Variants in CMPK2 observed in about 807,000 individuals in gnomAD.
The protein encoded by CMPK2 is cytidine/uridine monophosphate kinase 2.
Under a neutral mutation model 33.4 loss-of-function variants are expected in CMPK2, and 32 were observed. That is an observed-to-expected ratio of 0.96 (90% confidence interval 0.72 to 1.29). The LOEUF (loss-of-function observed/expected upper bound fraction) is 1.29. CMPK2 is among the 50% of genes most tolerant of loss of function. CMPK2 has a pLI of 0.00. For missense variants in CMPK2, 672 were observed against 616.0 expected (o/e 1.09, Z -0.96); for synonymous variants, 299 against 275.3 (o/e 1.09, Z -0.85).
intron 3 of CMPK2, among the ~76,000 whole-genome samples, chr2:6,853,388 A>G (rs946916399): frequency 4.6e-5 from 7 of 152,080 alleles, no homozygotes; most frequent in Admixed American, 1.3e-4. Flanking sequence ...CCCCCGCCCC[A>G]CCTGTTTTGT....
chr2:6,859,395 T>A (rs1310398746), intron 3 of CMPK2, among the ~76,000 whole-genome samples: 6 of 152,150 alleles, frequency 3.9e-5, no homozygotes, highest in Non-Finnish European at 2.9e-5. Context: ...CTCGAGGGCA[T>A]GTCAGAGACC....
At chr2:6,858,740 C>G (rs929441879) in intron 3 of CMPK2, among the ~76,000 whole-genome samples, 1 of 152,254 alleles carries the variant, frequency 6.6e-6, no homozygotes, top group Non-Finnish European at 1.5e-5. Context: ...AAACCTCTTT[C>G]TTTTGTAAAT....
rs1662420294 is a variant in CMPK2 at position 6,848,580 on chromosome 2, C to T, written c.*1270G>A. On this transcript the variant is annotated 3_prime_UTR_variant, in exon 5 of 5. Transcript: ENST00000256722. ...TCTTTTAAAAATCCTATGACATTAA[C>T]ATGAAACTTTATTAGAATTTAAGAT... The T allele has an allele frequency of 3.1e-6, 3 of 956,046 alleles. No individual in the cohort carries two copies. Among genetic ancestry groups the T allele is most frequent in the African/African-American group, 3.5e-5 (2 of 56,542 alleles). The allele number at this position is 956,046 out of a possible 1,614,324, so 59.2% of individuals were successfully genotyped here.
At chr2:6,860,385 C>G (rs1235688101) in intron 3 of CMPK2, among the ~76,000 whole-genome samples, 1 of 152,080 alleles carries the variant, frequency 6.6e-6, no homozygotes, top group Non-Finnish European at 1.5e-5. Context: ...TTGGCTGTGT[C>G]CCCACCCAAA....
Position 6,849,134 on chromosome 2 carries a change from A to C in CMPK2, c.*716T>G. ...AGAAAAAAAGAAAAGAAATATAAAT[A>C]AGCAAAATATAATTCAGAGAAGGTT... On this transcript the variant is annotated 3_prime_UTR_variant, in exon 5 of 5. Coordinates refer to ENST00000256722, the MANE Select transcript of CMPK2 (RefSeq NM_207315.4). 1.0e-6 allele frequency: 1 copy of C among 983,888 alleles called. No individual in the cohort carries two copies. Among genetic ancestry groups the C allele is most frequent in the Non-Finnish European group, 1.2e-6 (1 of 828,480 alleles). 60.9% of individuals were successfully genotyped at this position (983,888 alleles called of 1,614,324 possible).
At chr2:6,851,739 CT>C in intron 3 of CMPK2, 56 bp from the exon 4 acceptor site, 1 of 1,535,918 alleles carries the variant, frequency 6.5e-7, no homozygotes, top group African/African-American at 1.4e-5. Flanking sequence ...AAAGTAGCAT[CT>C]GAAAATCAGC....
At chr2:6,851,429 G>A (rs1184257827) in intron 4 of CMPK2, 21 bp downstream of exon 4, 5 of 1,613,970 alleles carry the variant, frequency 3.1e-6, no homozygotes, top group African/African-American at 2.7e-5. Flanking sequence ...CGCTCACATT[G>A]CATTGCACTG....
At chr2:6,862,281 T>G (rs980193088) in intron 2 of CMPK2, among the ~76,000 whole-genome samples, 3 of 152,198 alleles carry the variant, frequency 2.0e-5, no homozygotes, top group Non-Finnish European at 4.4e-5. Context: ...CCAGTGACCC[T>G]GCAAAACAGT....
intron 3 of CMPK2, among the ~76,000 whole-genome samples, chr2:6,860,868 AT>A (rs1326440272): frequency 1.3e-5 from 2 of 152,116 alleles, no homozygotes; most frequent in East Asian, 3.9e-4. Flanking sequence ...TTGGCAAGTT[AT>A]TTTACCTTTC....
Position 6,848,939 on chromosome 2 carries a change from A to C in CMPK2, c.*911T>G. 1.0e-6 allele frequency: 1 copy of C among 985,876 alleles called. No individual in the cohort carries two copies. Among genetic ancestry groups the C allele is most frequent in the South Asian group, 4.7e-5 (1 of 21,286 alleles). 61.1% of individuals were successfully genotyped at this position (985,876 alleles called of 1,614,324 possible). On this transcript the variant is annotated 3_prime_UTR_variant, in exon 5 of 5. Coordinates refer to ENST00000256722, the MANE Select transcript of CMPK2 (RefSeq NM_207315.4). ...AATTAAGTTTGTGTAATGAAAATACACAACAAACATTGCATTTAGCGTTTT... is the reference window on the plus strand; with the variant it reads ...AATTAAGTTTGTGTAATGAAAATACCCAACAAACATTGCATTTAGCGTTTT...
At position 6,865,878 on chromosome 2, in the gene CMPK2, T is replaced by C; in HGVS notation, c.-182A>G. The C allele has an allele frequency of 1.4e-6, 2 of 1,390,520 alleles. No homozygotes were observed. The highest frequency in any genetic ancestry group is 9.3e-7 in the Non-Finnish European group (1 of 1,074,016). 86.1% of individuals were successfully genotyped at this position (1,390,520 alleles called of 1,614,324 possible). ...CAGGAGCCCTGGGGCTGGGGCGCCC[T>C]TCCGGCCTCTCCTCCTCGCCGCGAG... On this transcript the variant is annotated 5_prime_UTR_variant, in exon 1 of 5. Transcript: ENST00000256722.
intron 3 of CMPK2, among the ~76,000 whole-genome samples, chr2:6,852,780 T>G (rs1463729335): frequency 6.6e-6 from 1 of 152,236 alleles, no homozygotes; most frequent in African/African-American, 2.4e-5. Context: ...GCATAGTTTA[T>G]TATACTCTTG....
At chr2:6,860,836 G>A (rs1367691652) in intron 3 of CMPK2, among the ~76,000 whole-genome samples, 3 of 151,982 alleles carry the variant, frequency 2.0e-5, no homozygotes, top group African/African-American at 4.8e-5. Context: ...TAATGTCCCC[G>A]GTATGCTATT....
In CMPK2 at chr2:6,865,399, G is replaced by C; in HGVS notation, c.298C>G (p.His100Asp). The C allele has an allele frequency of 1.5e-6, 2 of 1,350,820 alleles. No homozygotes were observed. Among genetic ancestry groups the C allele is most frequent in the Non-Finnish European group, 1.9e-6 (2 of 1,060,044 alleles). The allele number at this position is 1,350,820 out of a possible 1,614,324, so 83.7% of individuals were successfully genotyped here. A position where few individuals can be genotyped will look rare whatever the true frequency, so the allele number is the denominator to read the frequency against. ...TGGAAGGGGCCGCGGCGCAGCTGGT[G>C]CAGCAGGCGCTGGTGCAGCCGCGCC... Reference protein sequence around the residue: ...RAARLHQRLLHQLRRGPFQRC... With the variant: ...RAARLHQRLLDQLRRGPFQRC... Residue 100 changes from histidine (H) to aspartate (D), a missense_variant, in exon 1 of 5, where the codon CAC becomes GAC. Physicochemically the swap from His to Asp is moderately conservative, Grantham distance 81 (BLOSUM62 -1). Transcript: ENST00000256722.
downstream of CMPK2, among the ~76,000 whole-genome samples, chr2:6,845,049 A>G (rs1662323861): frequency 6.6e-6 from 1 of 152,168 alleles, no homozygotes; most frequent in South Asian, 2.1e-4. Context: ...CTTGTCTGAC[A>G]TGGCTGCCAA....
In CMPK2 at chr2:6,865,313, C is replaced by T. The variant is rs752646659; in HGVS notation, c.384G>A (p.Gln128=). The T allele has an allele frequency of 8.0e-6, 12 of 1,506,774 alleles. No homozygotes were observed. The highest frequency in any genetic ancestry group is 6.2e-5 in the Admixed American group (3 of 48,476). 93.3% of individuals were successfully genotyped at this position (1,506,774 alleles called of 1,614,324 possible). ...YCPGGQAGGA[Q]QGFLLRDPLD... is the part of the protein sequence containing the mutation. ...GGGGGTCGCGCAGCAGGAAGCCTTG[C>T]TGTGCGCCGCCGGCCTGGCCGCCCG... The change falls in exon 1 of 5, where the codon CAG becomes CAA. Residue 128 remains glutamine, a synonymous_variant. Coordinates refer to ENST00000256722, the MANE Select transcript of CMPK2 (RefSeq NM_207315.4).
rs1013743828 is a variant in CMPK2, at chr2:6,861,526, C to A, written c.791-141G>T. The A allele has an allele frequency of 8.8e-6, 6 of 681,390 alleles. No individual in the cohort carries two copies. In the African/African-American group the frequency reaches 1.1e-4, roughly 12 times the overall value. The allele number at this position is 681,390 out of a possible 1,614,324, so 42.2% of individuals were successfully genotyped here. A position where few individuals can be genotyped will look rare whatever the true frequency, so the allele number is the denominator to read the frequency against. On this transcript the variant is annotated intron_variant, in intron 2 of 4. Coordinates refer to ENST00000256722, the MANE Select transcript of CMPK2 (RefSeq NM_207315.4). ...AGGATTCTTTATAAAAAGCTGTAGACCCATAGGAAGTTAGGATTTCTCCGT... is the reference window on the plus strand; with the variant it reads ...AGGATTCTTTATAAAAAGCTGTAGAACCATAGGAAGTTAGGATTTCTCCGT...
At chr2:6,844,316 A>G (rs1662303378), downstream of CMPK2, among the ~76,000 whole-genome samples, 1 of 152,188 alleles carries the variant, frequency 6.6e-6, no homozygotes, top group Non-Finnish European at 1.5e-5. Context: ...ATCTGGACCT[A>G]TGGCCAGTTT....
Position 6,851,583 on chromosome 2 carries a change from C to A in CMPK2, c.1093G>T (p.Asp365Tyr). ...AGGATAAGGTCAGGTTTGAGCAGGTCCTCTGGCCACTGGTACACAGGGTGA... is the reference window on the plus strand; with the variant it reads ...AGGATAAGGTCAGGTTTGAGCAGGTACTCTGGCCACTGGTACACAGGGTGA... Reference protein sequence around the residue: ...AHHPVYQWPEDLLKPDLILLL... With the variant: ...AHHPVYQWPEYLLKPDLILLL... The change falls in exon 4 of 5, where the codon GAC becomes TAC. Residue 365 changes from aspartate to tyrosine, a missense_variant. By Grantham distance (160) the Asp-to-Tyr change is radical. Coordinates refer to ENST00000256722, the MANE Select transcript of CMPK2 (RefSeq NM_207315.4). 6.2e-7 allele frequency: 1 copy of A among 1,614,194 alleles called. No individual in the cohort carries two copies. Among genetic ancestry groups the A allele is most frequent in the Non-Finnish European group, 8.5e-7 (1 of 1,180,052 alleles).
Sources: allele counts gnomAD v4.1 joint callset (sites outside exome capture counted in the v4.1 genomes callset), GRCh38; gene constraint gnomAD v4.1.1; transcripts MANE v1.5; gene names NCBI Gene and HGNC (gene_info 2026-07-23, HGNC 2026-07-21).